MYO9A: variants seen among roughly 807,000 people sequenced by gnomAD.
MYO9A encodes the protein unconventional myosin-IXa.
In MYO9A, 103 loss-of-function variants were observed where a neutral mutation model predicts 293.3. The observed-to-expected ratio is 0.35, with a 90% CI of 0.30 to 0.41. The LOEUF is 0.41. Among genes scored for constraint, MYO9A ranks in the 10% least tolerant of loss-of-function variants. The probability of loss-of-function intolerance (pLI) is 1.00; values close to 1 mark genes in which losing one functional copy is unlikely to be tolerated. For missense variants in MYO9A, 2,685 were observed against 3,033.0 expected (o/e 0.89, Z 2.69); for synonymous variants, 1,001 against 1,035.7 (o/e 0.97, Z 0.64).
chr15:72,009,690 G>A (rs1056643494), intron 7 of MYO9A, among the ~76,000 whole-genome samples: 3 of 151,744 alleles, frequency 2.0e-5, no homozygotes, highest in African/African-American at 4.8e-5. Flanking sequence ...AGAGTGAGAT[G>A]CTGTCTCCAA....
At chr15:71,857,094 C>CTATG (rs2055893670) in intron 34 of MYO9A, among the ~76,000 whole-genome samples, 1 of 152,084 alleles carries the variant, frequency 6.6e-6, no homozygotes, top group Non-Finnish European at 1.5e-5. Context: ...ATTTAAATCC[C>CTATG]TATGGCATTA....
At position 71,879,735 on chromosome 15, in the gene MYO9A, A is replaced by C. The variant is rs749887045; in HGVS notation, c.5725T>G (p.Ser1909Ala). 1.2e-6 allele frequency: 2 copies of C among 1,611,078 alleles called. No individual in the cohort carries two copies. The highest frequency in any genetic ancestry group is 1.7e-6 in the Non-Finnish European group (2 of 1,177,420). ...EFRQNIFSFY[S>A]SALAMDDGKS... Reference sequence around the variant, plus strand: ...GTCCAACTCACCGCCAATGCAGATGAATAAAAGCTGAAGATATTCTGCCGA... The same window carrying C: ...GTCCAACTCACCGCCAATGCAGATGCATAAAAGCTGAAGATATTCTGCCGA... Residue 1909 changes from serine (S) to alanine (A), a missense_variant, in exon 30 of 42, where the codon TCA becomes GCA. Ser to Ala is a moderately conservative substitution (Grantham distance 99). Coordinates refer to ENST00000356056, the MANE Select transcript of MYO9A (RefSeq NM_006901.4).
At chr15:72,038,853 T>C (rs932321045) in intron 2 of MYO9A, among the ~76,000 whole-genome samples, 1 of 152,236 alleles carries the variant, frequency 6.6e-6, no homozygotes, top group Admixed American at 6.5e-5. Flanking sequence ...CTAATGTTTG[T>C]ACAAAAGGGC....
In MYO9A at chr15:72,089,978, G is replaced by A. The variant is rs370419392; in HGVS notation, c.-72+27702C>T. Among the ~76,000 whole-genome samples the A allele has an allele frequency of 1.5e-4, 23 of 152,234 alleles. No individual in the cohort carries two copies. In the East Asian group the frequency reaches 4.2e-3, roughly 28 times the overall value. On this transcript the variant is annotated intron_variant, in intron 1 of 41. Coordinates refer to ENST00000356056, the MANE Select transcript of MYO9A (RefSeq NM_006901.4). ...TCTCACCTCTATTTTGTTAAGCTGT[G>A]AGATAACAATGCTATATTAATAACT...
At position 71,826,009 on chromosome 15, in the gene MYO9A, G is replaced by GTTTTT. The variant is rs1158678203; in HGVS notation, c.*566_*570dup. On this transcript the variant is annotated 3_prime_UTR_variant, in exon 42 of 42. Transcript: ENST00000356056. ...GGTTTTTTTTTGTTTTTTTTTTTTT[G>GTTTTT]TTTTTTTTTTTTGTTTTTGCTTTCC... 3.1e-5 allele frequency: 2 copies of GTTTTT among 64,206 alleles called. No individual in the cohort carries two copies. Among genetic ancestry groups the GTTTTT allele is most frequent in the African/African-American group, 6.1e-5 (1 of 16,400 alleles). 4.0% of individuals were successfully genotyped at this position (64,206 alleles called of 1,614,324 possible).
intron 1 of MYO9A, among the ~76,000 whole-genome samples, chr15:72,080,653 T>TATAAGAAACAAAACAGCATGGTA (rs2079517355): frequency 1.3e-5 from 2 of 152,080 alleles, no homozygotes; most frequent in Non-Finnish European, 2.9e-5. Context: ...TGTGCAGGTT[T>TATAAGAAACAAAACAGCATGGTA]CTTATAAAGG....
intron 9 of MYO9A, chr15:71,999,039 T>TA (rs1490802701): frequency 2.0e-5 from 3 of 152,182 alleles, no homozygotes; most frequent in Non-Finnish European, 4.4e-5. Flanking sequence ...TGGAAGACTA[T>TA]AATATGACAT....
At chr15:71,952,006 G>T in intron 14 of MYO9A, 110 bp from the exon 15 acceptor site, 1 of 1,118,222 alleles carries the variant, frequency 8.9e-7, no homozygotes, top group South Asian at 2.2e-5. Flanking sequence ...ATTTAAGGGT[G>T]TATAAAAATG....
At position 71,851,314 on chromosome 15, in the gene MYO9A, T is replaced by A; in HGVS notation, c.6520A>T (p.Ile2174Phe). The A allele has an allele frequency of 6.2e-7, 1 of 1,614,010 alleles. No individual in the cohort carries two copies. Among genetic ancestry groups the A allele is most frequent in the Middle Eastern group, 1.7e-4 (1 of 6,060 alleles). The part of the protein sequence containing the change: ...KETIRGVYSV[I>F]DQLSRTHLNT... The stretch of plus-strand genomic sequence containing the variant: ...AGATGAGTTCGGGAGAGTTGATCAA[T>A]CACAGAGTATACACCACGGATTGTC... The change falls in exon 37 of 42, where the codon ATT becomes TTT. Residue 2174 changes from isoleucine (I) to phenylalanine (F), a missense_variant. Physicochemically the swap from Ile to Phe is conservative, Grantham distance 21. Transcript: ENST00000356056.
rs2054461738 is a variant in MYO9A, at chr15:71,825,893, T to G, written c.*687A>C. 1 of 151,078 alleles carries G rather than the reference T, an allele frequency of 6.6e-6. No homozygotes were observed. Among genetic ancestry groups the G allele is most frequent in the South Asian group, 2.1e-4 (1 of 4,804 alleles). 9.4% of individuals were successfully genotyped at this position (151,078 alleles called of 1,614,324 possible). ...TAAACCAGCACTGATTACTATGACA[T>G]CAAACATCATCAAAAAAAATAGGTA... On this transcript the variant is annotated 3_prime_UTR_variant, in exon 42 of 42. Transcript: ENST00000356056.
chr15:72,065,055 A>C (rs2078979118), intron 1 of MYO9A, among the ~76,000 whole-genome samples: 1 of 152,232 alleles, frequency 6.6e-6, no homozygotes, highest in Admixed American at 6.5e-5. Context: ...ACTTAAAACA[A>C]AGATGCCACT....
intron 32 of MYO9A, among the ~76,000 whole-genome samples, chr15:71,864,902 A>G (rs990136209): frequency 6.6e-6 from 1 of 152,196 alleles, no homozygotes; most frequent in African/African-American, 2.4e-5. Context: ...AACTATGTGA[A>G]TTTACTGAAA....
At chr15:72,028,218 A>ATATATATAT (rs1555408278) in intron 3 of MYO9A, among the ~76,000 whole-genome samples, 1,744 of 134,036 alleles carry the variant, frequency 0.013, 18 homozygotes, top group Non-Finnish European at 0.021. Context: ...TAAATAAATA[A>ATATATATAT]ATATATATAT....
chr15:72,047,953 T>C (rs12898599), intron 1 of MYO9A, among the ~76,000 whole-genome samples: 1 of 151,712 alleles, frequency 6.6e-6, no homozygotes, highest in Non-Finnish European at 1.5e-5. Flanking sequence ...GTATTTTTAG[T>C]AGAGATGGGG....
At chr15:71,964,473 C>T (rs1442403426) in intron 13 of MYO9A, among the ~76,000 whole-genome samples, 1 of 151,906 alleles carries the variant, frequency 6.6e-6, no homozygotes, top group African/African-American at 2.4e-5. Context: ...ATGGCGAAAC[C>T]CCATCTCTAC....
chr15:71,875,393 A>T (rs1567219793), intron 32 of MYO9A, among the ~76,000 whole-genome samples: 1 of 152,144 alleles, frequency 6.6e-6, no homozygotes, highest in African/African-American at 2.4e-5. Flanking sequence ...ATTGTATATA[A>T]ACATGAACAA....
At chr15:71,993,071 C>T (rs960286743) in intron 10 of MYO9A, among the ~76,000 whole-genome samples, 14 of 152,142 alleles carry the variant, frequency 9.2e-5, no homozygotes, top group African/African-American at 2.7e-4. Context: ...AAGGAGTAGG[C>T]CAGGCCTGGT....
chr15:72,008,286 C>T (rs2148890134), intron 7 of MYO9A, among the ~76,000 whole-genome samples: 1 of 152,226 alleles, frequency 6.6e-6, no homozygotes, highest in Non-Finnish European at 1.5e-5. Flanking sequence ...TGCTTTTTTC[C>T]TACACTGTTT....
intron 15 of MYO9A, among the ~76,000 whole-genome samples, chr15:71,949,866 A>C (rs1181999248): frequency 6.6e-6 from 1 of 151,942 alleles, no homozygotes; most frequent in Non-Finnish European, 1.5e-5. Context: ...GTGGTTTTCT[A>C]TCTCTGAAAC....
Sources: allele counts gnomAD v4.1 joint callset (sites outside exome capture counted in the v4.1 genomes callset), GRCh38; gene constraint gnomAD v4.1.1; transcripts MANE v1.5; gene names NCBI Gene and HGNC (gene_info 2026-07-23, HGNC 2026-07-21).